JAK2: variants seen among roughly 807,000 people sequenced by gnomAD.
JAK2 encodes tyrosine-protein kinase JAK2.
A neutral mutation model predicts 139.3 loss-of-function variants in JAK2; 86 were observed. The observed-to-expected ratio is 0.62, with a 90% CI of 0.52 to 0.74. The LOEUF (loss-of-function observed/expected upper bound fraction) is 0.74, where lower values mean the gene tolerates loss of function less well. JAK2 is among the 30% of genes least tolerant of loss of function. JAK2 has a pLI of 0.00. For missense variants in JAK2, 1,421 were observed against 1,360.3 expected (o/e 1.04, Z -0.70); for synonymous variants, 490 against 437.7 (o/e 1.12, Z -1.49).
rs892350583 is a variant in JAK2 at position 5,084,955 on chromosome 9, C to A, written c.2571+3094C>A. ...AAGTGTATTCCACAAAATTCTTAGG[C>A]ACAGTCTGAGATAGCTGCCAGAAAG... On this transcript the variant is annotated intron_variant, in intron 19 of 24. Coordinates refer to ENST00000381652, the MANE Select transcript of JAK2 (RefSeq NM_004972.4). 6.1e-5 allele frequency: 41 copies of A among 667,476 alleles called. 1 individual carries two copies. Among genetic ancestry groups the A allele is most frequent in the South Asian group, 5.6e-4 (41 of 72,634 alleles). 41.3% of individuals were successfully genotyped at this position (667,476 alleles called of 1,614,324 possible).
intron 22 of JAK2, chr9:5,114,711 T>C (rs556622771): frequency 4.1e-5 from 16 of 388,318 alleles, no homozygotes; most frequent in South Asian, 3.3e-4. Context: ...CAGGGCTGAA[T>C]GGGAACAGAA....
In JAK2 at chr9:5,044,388, T is replaced by G; in HGVS notation, c.351-15T>G. The stretch of plus-strand genomic sequence containing the variant: ...ACTATTTGGAAGCTGACCAAATGTT[T>G]TTATTATCTTGTAGATTTTACTTTC... On this transcript the variant is annotated splice_polypyrimidine_tract_variant and intron_variant, in intron 4 of 24. Coordinates refer to ENST00000381652, the MANE Select transcript of JAK2 (RefSeq NM_004972.4). The G allele has an allele frequency of 6.5e-7, 1 of 1,541,726 alleles. No individual in the cohort carries two copies. The highest frequency in any genetic ancestry group is 1.4e-5 in the African/African-American group (1 of 73,608).
Position 5,069,058 on chromosome 9 carries a change from A to T in JAK2, c.1363A>T (p.Thr455Ser). The change falls in exon 11 of 25, where the codon ACA (threonine) becomes TCA (serine). Residue 455 changes from threonine (T) to serine (S), a missense_variant. Transcript: ENST00000381652. ...NVIEYKHCLI[T>S]KNENEEYNLS... ...CATTGAATATAAACACTGTTTGATT[A>T]CAAAAAATGAGAATGAAGAGTACAA... The T allele has an allele frequency of 1.9e-6, 3 of 1,601,886 alleles. No individual in the cohort carries two copies. The highest frequency in any genetic ancestry group is 2.6e-6 in the Non-Finnish European group (3 of 1,174,504).
intron 6 of JAK2, among the ~76,000 whole-genome samples, chr9:5,052,261 T>A (rs909431514): frequency 1.2e-4 from 18 of 152,128 alleles, no homozygotes; most frequent in Admixed American, 3.3e-4. Flanking sequence ...TTCTTCCAGT[T>A]TGAGAATCAT....
intron 8 of JAK2, among the ~76,000 whole-genome samples, chr9:5,059,013 C>T (rs532756030): frequency 7.2e-5 from 11 of 152,178 alleles, no homozygotes; most frequent in East Asian, 1.9e-4. Context: ...TCCTTTGATG[C>T]GCAGATGTTT....
In JAK2 at chr9:5,127,722, G is replaced by C. The variant is rs1157730805; in HGVS notation, c.*931G>C. ...ATTTATGCTCATGAACTAAATTTAA[G>C]CTTAAGCCATAAAATAGATTAGATT... On this transcript the variant is annotated 3_prime_UTR_variant, in exon 25 of 25. Coordinates refer to ENST00000381652, the MANE Select transcript of JAK2 (RefSeq NM_004972.4). 4.3e-6 allele frequency: 1 copy of C among 232,312 alleles called. No individual in the cohort carries two copies. The highest frequency in any genetic ancestry group is 8.5e-6 in the Non-Finnish European group (1 of 117,154). 14.4% of individuals were successfully genotyped at this position (232,312 alleles called of 1,614,324 possible). A position where few individuals can be genotyped will look rare whatever the true frequency, so the allele number is the denominator to read the frequency against.
chr9:5,007,954 C>T (rs917516274), intron 2 of JAK2, among the ~76,000 whole-genome samples: 3 of 152,022 alleles, frequency 2.0e-5, no homozygotes, highest in Non-Finnish European at 2.9e-5. Flanking sequence ...GCCTGGAATT[C>T]CTGACCTCAA....
In JAK2 at chr9:5,128,861, C is replaced by A. The variant is rs755278378; in HGVS notation, c.*2070C>A. ...CCAGTTAATGCCAAAATATTTTTCA[C>A]GTTAATATTCTTCAGAAACAAGGGT... On this transcript the variant is annotated 3_prime_UTR_variant, in exon 25 of 25. Coordinates refer to ENST00000381652, the MANE Select transcript of JAK2 (RefSeq NM_004972.4). 6.6e-6 allele frequency among the ~76,000 whole-genome samples: 1 copy of A among 151,884 alleles called. No individual in the cohort carries two copies. Among genetic ancestry groups the A allele is most frequent in the African/African-American group, 2.4e-5 (1 of 41,412 alleles).
intron 2 of JAK2, among the ~76,000 whole-genome samples, chr9:4,994,545 A>T (rs973660037): frequency 1.3e-5 from 2 of 152,326 alleles, no homozygotes; most frequent in African/African-American, 4.8e-5. Flanking sequence ...TCTATTAAGG[A>T]TCATAAATAA....
intron 5 of JAK2, among the ~76,000 whole-genome samples, chr9:5,047,475 GA>G (rs1817091279): frequency 6.6e-6 from 1 of 152,138 alleles, no homozygotes; most frequent in African/African-American, 2.4e-5. Flanking sequence ...GCTGACATGT[GA>G]ACAACTTTTA....
At chr9:5,126,642 C>T in intron 24 of JAK2, 42 bp from the exon 25 acceptor site, 1 of 1,350,586 alleles carries the variant, frequency 7.4e-7, no homozygotes, top group South Asian at 1.2e-5. Flanking sequence ...AAAAGATGGC[C>T]CTTAGTGTTC....
intron 22 of JAK2, among the ~76,000 whole-genome samples, chr9:5,120,967 C>G (rs1382540824): frequency 6.6e-6 from 1 of 152,044 alleles, no homozygotes; most frequent in African/African-American, 2.4e-5. Flanking sequence ...GAGCACTAAA[C>G]AAAGGTCAAA....
chr9:5,029,820 G>T lies in JAK2; in HGVS notation c.264G>T (p.Met88Ile). The change falls in exon 4 of 25, where the codon ATG (methionine) becomes ATT (isoleucine). Residue 88 changes from methionine (M) to isoleucine (I), a missense_variant. By Grantham distance (10) the Met-to-Ile change is conservative. Transcript: ENST00000381652. Reference protein sequence around the residue: ...TPVYHNMFALMSETERIWYPP... With the variant: ...TPVYHNMFALISETERIWYPP... ...TGTATCATAATATGTTTGCTTTAATGAGTGAAACAGAAAGGATCTGGTATC... is the reference window on the plus strand; with the variant it reads ...TGTATCATAATATGTTTGCTTTAATTAGTGAAACAGAAAGGATCTGGTATC... 1 of 1,611,092 alleles carries T rather than the reference G, an allele frequency of 6.2e-7. No individual in the cohort carries two copies. The highest frequency in any genetic ancestry group is 1.1e-5 in the South Asian group (1 of 90,834).
chr9:5,048,236 G>C (rs1293017345), intron 5 of JAK2, among the ~76,000 whole-genome samples: 2 of 151,952 alleles, frequency 1.3e-5, no homozygotes, highest in Non-Finnish European at 1.5e-5. Context: ...CTGCCTCCCA[G>C]GTTCAAGTGA....
chr9:5,121,753 A>T (rs1823629903), intron 22 of JAK2, among the ~76,000 whole-genome samples: 1 of 152,202 alleles, frequency 6.6e-6, no homozygotes, highest in South Asian at 2.1e-4. Flanking sequence ...CTTATTTTCA[A>T]CAAGGGGAAT....
intron 4 of JAK2, among the ~76,000 whole-genome samples, chr9:5,038,694 T>C (rs2130257407): frequency 6.6e-6 from 1 of 152,072 alleles, no homozygotes; most frequent in East Asian, 1.9e-4. Flanking sequence ...CTCTGATGAA[T>C]ATTTCTTTTG....
At position 5,128,740 on chromosome 9, in the gene JAK2, A is replaced by C. The variant is rs1352483330; in HGVS notation, c.*1949A>C. On this transcript the variant is annotated 3_prime_UTR_variant, in exon 25 of 25. Transcript: ENST00000381652. ...GACTTCTTTTCATTGAGGCTTCGTA[A>C]AGTTTTCCATTTTGATTCTGACTAC... 6.6e-6 allele frequency among the ~76,000 whole-genome samples: 1 copy of C among 151,928 alleles called. No individual in the cohort carries two copies. The highest frequency in any genetic ancestry group is 1.5e-5 in the Non-Finnish European group (1 of 67,838).
intron 2 of JAK2, among the ~76,000 whole-genome samples, chr9:4,988,860 A>T (rs1344248219): frequency 6.6e-6 from 1 of 152,194 alleles, no homozygotes. Context: ...ATTAGGCATC[A>T]TCTTTAAACT....
At chr9:5,045,041 A>G (rs1816903463) in intron 5 of JAK2, among the ~76,000 whole-genome samples, 1 of 152,236 alleles carries the variant, frequency 6.6e-6, no homozygotes. Context: ...TCACTAATAC[A>G]GTTATGTCAA....
Sources: allele counts gnomAD v4.1 joint callset (sites outside exome capture counted in the v4.1 genomes callset), GRCh38; gene constraint gnomAD v4.1.1; transcripts MANE v1.5; gene names NCBI Gene and HGNC (gene_info 2026-07-23, HGNC 2026-07-21).